Variants in RAB6A observed in about 807,000 individuals in gnomAD.
RAB6A encodes ras-related protein Rab-6A.
A neutral mutation model predicts 32.3 loss-of-function variants in RAB6A; 8 were observed. The ratio of observed to expected loss-of-function variants is 0.25; its 90% CI spans 0.15 to 0.45. The LOEUF is 0.45. Ranked by LOEUF, RAB6A falls within the 20% of genes least tolerant of loss-of-function variation. The pLI is 1.00. For missense variants in RAB6A, 104 were observed against 249.4 expected (o/e 0.42, Z 3.93); for synonymous variants, 73 against 82.1 (o/e 0.89, Z 0.60).
At chr11:73,714,567 CAGG>C (rs1477997120) in intron 5 of RAB6A, among the ~76,000 whole-genome samples, 5 of 151,684 alleles carry the variant, frequency 3.3e-5, no homozygotes. Flanking sequence ...GAGGCTGAGG[CAGG>C]AGAATTGCTT....
intron 1 of RAB6A, among the ~76,000 whole-genome samples, chr11:73,752,554 T>G (rs1483358368): frequency 6.6e-6 from 1 of 152,176 alleles, no homozygotes; most frequent in Non-Finnish European, 1.5e-5. Flanking sequence ...CGGTGGCTCA[T>G]GCCTGTAATC....
intron 5 of RAB6A, among the ~76,000 whole-genome samples, chr11:73,711,539 GA>G (rs1945957893): frequency 6.6e-6 from 1 of 152,134 alleles, no homozygotes; most frequent in South Asian, 2.1e-4. Context: ...ACAGTCTTTA[GA>G]TATTACAAAT....
At chr11:73,681,707 G>T (rs998325136) in intron 6 of RAB6A, among the ~76,000 whole-genome samples, 5 of 152,176 alleles carry the variant, frequency 3.3e-5, no homozygotes, top group Admixed American at 3.3e-4. Flanking sequence ...TACTCGGGAG[G>T]CTGAGGCAGA....
rs1421573373 is a variant in RAB6A at position 73,676,241 on chromosome 11, A to T, written c.*1657T>A. 6.0e-6 allele frequency: 1 copy of T among 167,116 alleles called. No individual in the cohort carries two copies. Among genetic ancestry groups the T allele is most frequent in the East Asian group, 1.9e-4 (1 of 5,208 alleles). The allele number at this position is 167,116 out of a possible 1,614,324, so 10.4% of individuals were successfully genotyped here. On this transcript the variant is annotated 3_prime_UTR_variant, in exon 8 of 8. Transcript: ENST00000336083. ...TGTCTTTTCATCTTTATACTGTGTT[A>T]AGTAATGCTTACAACATAAATTCAG...
chr11:73,692,665 T>C (rs1467292807), intron 6 of RAB6A, among the ~76,000 whole-genome samples: 1 of 151,190 alleles, frequency 6.6e-6, no homozygotes, highest in African/African-American at 2.4e-5. Context: ...AATAAACAAA[T>C]GCCTGCCGGG....
chr11:73,701,651 G>C (rs779440026), intron 6 of RAB6A, among the ~76,000 whole-genome samples: 2 of 151,576 alleles, frequency 1.3e-5, no homozygotes, highest in African/African-American at 4.9e-5. Context: ...TTTTTCTTTC[G>C]TGTTTTTTGT....
intron 2 of RAB6A, among the ~76,000 whole-genome samples, chr11:73,726,782 T>A (rs1565367370): frequency 6.6e-6 from 1 of 150,782 alleles, no homozygotes; most frequent in Non-Finnish European, 1.5e-5. Flanking sequence ...AAATTATTTT[T>A]AAAAAATGAA....
chr11:73,744,299 A>G (rs904699236), intron 1 of RAB6A, among the ~76,000 whole-genome samples: 5 of 147,524 alleles, frequency 3.4e-5, no homozygotes, highest in African/African-American at 1.2e-4. Context: ...GATCGCACCA[A>G]TGCACTCCAG....
At chr11:73,739,275 AAAAAAAAAAATAT>A (rs1257990027) in intron 1 of RAB6A, among the ~76,000 whole-genome samples, 1 of 46,562 alleles carries the variant, frequency 2.1e-5, no homozygotes, top group African/African-American at 5.9e-5. Context: ...AAAAAAAAAA[AAAAAAAAAAATAT>A]ATATATATAT....
chr11:73,732,697 T>C (rs1405405812), intron 1 of RAB6A, among the ~76,000 whole-genome samples: 1 of 152,002 alleles, frequency 6.6e-6, no homozygotes, highest in East Asian at 1.9e-4. Context: ...GAGGCAGAGA[T>C]TGCAGTGAGC....
At chr11:73,734,212 A>C (rs1946359901) in intron 1 of RAB6A, among the ~76,000 whole-genome samples, 1 of 152,014 alleles carries the variant, frequency 6.6e-6, no homozygotes, top group Non-Finnish European at 1.5e-5. Context: ...TGCAACCTTC[A>C]CCTCCTGGGG....
chr11:73,682,890 A>G (rs1333862790), intron 6 of RAB6A, among the ~76,000 whole-genome samples: 1 of 152,170 alleles, frequency 6.6e-6, no homozygotes, highest in Non-Finnish European at 1.5e-5. Flanking sequence ...GATCTTTTTT[A>G]TGAGCATTAA....
intron 1 of RAB6A, among the ~76,000 whole-genome samples, chr11:73,755,304 T>C (rs982300290): frequency 6.6e-5 from 10 of 151,386 alleles, no homozygotes; most frequent in Middle Eastern, 6.8e-3. Flanking sequence ...TATTTATTCA[T>C]TTATTTTGAG....
chr11:73,700,885 A>G (rs373350431), intron 6 of RAB6A, among the ~76,000 whole-genome samples: 11 of 152,298 alleles, frequency 7.2e-5, no homozygotes, highest in African/African-American at 2.6e-4. Context: ...TAAGCACAGG[A>G]CATTTTTAAG....
At position 73,732,873 on chromosome 11, in the gene RAB6A, C is replaced by T. The variant is rs191595044; in HGVS notation, c.71-2050G>A. Among the ~76,000 whole-genome samples, 1,106 of 151,936 alleles carry T rather than the reference C, an allele frequency of 7.3e-3. 12 individuals are homozygous for T. Among genetic ancestry groups the T allele is most frequent in the African/African-American group, 0.026 (1,063 of 41,440 alleles). On this transcript the variant is annotated intron_variant, in intron 1 of 7. Coordinates refer to ENST00000336083, the MANE Select transcript of RAB6A (RefSeq NM_198896.2). ...TGTCACCCAGGCTGGAGTGCAGTGA[C>T]GCGATCTCGGCTCACTGCAACGTCC...
rs1324420953 is a variant in RAB6A at position 73,677,446 on chromosome 11, A to G, written c.*452T>C. The G allele has an allele frequency of 4.6e-6, 1 of 217,268 alleles. No individual in the cohort carries two copies. 13.5% of individuals were successfully genotyped at this position (217,268 alleles called of 1,614,324 possible). A position where few individuals can be genotyped will look rare whatever the true frequency, so the allele number is the denominator to read the frequency against. The stretch of plus-strand genomic sequence containing the variant: ...GCTTTGCCATCTCTTGTTTGTTTTG[A>G]GGAAGTCGGGGGAGGCTAGGTAAGA... On this transcript the variant is annotated 3_prime_UTR_variant, in exon 8 of 8. Coordinates refer to ENST00000336083, the MANE Select transcript of RAB6A (RefSeq NM_198896.2).
chr11:73,740,780 G>A (rs537962794), intron 1 of RAB6A, among the ~76,000 whole-genome samples: 2 of 151,550 alleles, frequency 1.3e-5, no homozygotes, highest in Admixed American at 6.6e-5. Context: ...CCAGCTACTC[G>A]GGGGGGCTGA....
chr11:73,723,221 T>C (rs1260954992), intron 2 of RAB6A, among the ~76,000 whole-genome samples: 5 of 152,124 alleles, frequency 3.3e-5, no homozygotes, highest in African/African-American at 4.8e-5. Flanking sequence ...CATTTAAAAA[T>C]CATGTACACC....
rs141110419 is a variant in RAB6A at position 73,719,791 on chromosome 11, T to C, written c.183+1055A>G. 5.4e-3 allele frequency among the ~76,000 whole-genome samples: 821 copies of C among 151,954 alleles called. 8 individuals carry two copies. Among genetic ancestry groups the C allele is most frequent in the African/African-American group, 0.018 (750 of 41,422 alleles). On this transcript the variant is annotated intron_variant, in intron 3 of 7. Transcript: ENST00000336083. ...CCACCACGCCCAGCTAATTTTTGTA[T>C]TTTTAGAAAAGATGGGGTTTCGCCA...
Sources: gnomAD v4.1 joint callset for allele counts (sites outside exome capture counted in the v4.1 genomes callset) on GRCh38, gnomAD v4.1.1 for gene constraint, MANE v1.5 for transcripts, NCBI Gene and HGNC (gene_info 2026-07-23, HGNC 2026-07-21) for gene names.